C7orf78: variants seen among roughly 807,000 people sequenced by gnomAD.
The protein encoded by C7orf78 is putative uncharacterized protein C7orf78.
the C7orf78 span, chr7:12,531,134 A>T: frequency 2.5e-6 from 1 of 398,042 alleles, no homozygotes; most frequent in East Asian, 3.6e-5. Context: ...TACTTATATT[A>T]ACTCTTTAAC....
chr7:12,525,866 C>A, the C7orf78 span: 1 of 396,654 alleles, frequency 2.5e-6, no homozygotes, highest in Admixed American at 4.4e-5. Context: ...GAAAAGGACC[C>A]CTTTGGATTA....
the C7orf78 span, among the ~76,000 whole-genome samples, chr7:12,500,942 A>G: frequency 6.6e-6 from 1 of 150,930 alleles, no homozygotes; most frequent in Non-Finnish European, 1.5e-5. Flanking sequence ...AAATCAATAA[A>G]TGTAATCCAG....
the C7orf78 span, among the ~76,000 whole-genome samples, chr7:12,496,937 A>AC: frequency 6.8e-6 from 1 of 146,618 alleles, no homozygotes; most frequent in Non-Finnish European, 1.5e-5. Context: ...AAAATAATAC[A>AC]GAAAAAATTT....
chr7:12,528,098 C>T, the C7orf78 span, among the ~76,000 whole-genome samples: 1 of 146,310 alleles, frequency 6.8e-6, no homozygotes, highest in East Asian at 2.2e-4. Flanking sequence ...TGCCATCTAG[C>T]TGTGTAATTG....
chr7:12,503,240 C>T, the C7orf78 span, among the ~76,000 whole-genome samples: 39,296 of 111,322 alleles, frequency 0.35, 6,359 homozygotes, highest in African/African-American at 0.46. Flanking sequence ...TAATAATAAA[C>T]AAATAAATAA....
At chr7:12,494,431 C>A in the C7orf78 span, among the ~76,000 whole-genome samples, 1 of 152,052 alleles carries the variant, frequency 6.6e-6, no homozygotes, top group African/African-American at 2.4e-5. Flanking sequence ...AAGGAGGTGT[C>A]TAACCATAAT....
the C7orf78 span, among the ~76,000 whole-genome samples, chr7:12,529,612 G>T: frequency 1.3e-5 from 2 of 152,186 alleles, no homozygotes; most frequent in Non-Finnish European, 2.9e-5. Flanking sequence ...GGAGATAGAA[G>T]TTACAGGCAA....
At chr7:12,526,168 C>G in the C7orf78 span, among the ~76,000 whole-genome samples, 1 of 152,050 alleles carries the variant, frequency 6.6e-6, no homozygotes, top group Non-Finnish European at 1.5e-5. Flanking sequence ...AGGGAATAAA[C>G]TCTGGAGCCC....
chr7:12,517,323 C>T, the C7orf78 span, among the ~76,000 whole-genome samples: 6 of 152,136 alleles, frequency 3.9e-5, no homozygotes. Context: ...GAGGCCTCCC[C>T]AGCCATGAGG....
the C7orf78 span, among the ~76,000 whole-genome samples, chr7:12,513,698 A>G: frequency 1.3e-5 from 2 of 152,324 alleles, no homozygotes; most frequent in Non-Finnish European, 1.5e-5. Context: ...CCAAGTGCTG[A>G]TAAGAAGAAT....
the C7orf78 span, among the ~76,000 whole-genome samples, chr7:12,509,251 TA>T: frequency 0.16 from 24,256 of 152,226 alleles, 2,335 homozygotes; most frequent in South Asian, 0.24. Flanking sequence ...GACTAATGTT[TA>T]GGTGTGACAT....
the C7orf78 span, among the ~76,000 whole-genome samples, chr7:12,526,172 G>T: frequency 6.6e-6 from 1 of 152,050 alleles, no homozygotes; most frequent in East Asian, 1.9e-4. Flanking sequence ...AATAAACTCT[G>T]GAGCCCAGCT....
the C7orf78 span, among the ~76,000 whole-genome samples, chr7:12,513,805 C>G: frequency 1.3e-5 from 2 of 151,494 alleles, no homozygotes; most frequent in Admixed American, 6.6e-5. Flanking sequence ...TTGAGACCAT[C>G]CTGGCTTACA....
the C7orf78 span, chr7:12,525,903 A>G: frequency 1.3e-5 from 5 of 396,926 alleles, no homozygotes; most frequent in African/African-American, 2.1e-5. Flanking sequence ...ACTTAAGTAC[A>G]GGTAAGCTGT....
the C7orf78 span, chr7:12,538,439 CAG>C: frequency 3.5e-4 from 54 of 152,116 alleles, 2 homozygotes; most frequent in Admixed American, 3.0e-3. Context: ...ATGGAAGAAA[CAG>C]GGGCAAAAAG....
the C7orf78 span, among the ~76,000 whole-genome samples, chr7:12,533,537 G>C: frequency 7.4e-6 from 1 of 134,238 alleles, no homozygotes; most frequent in South Asian, 2.5e-4. Context: ...TTTTCTTTGA[G>C]ATGGAGTCTC....
chr7:12,530,983 A>C, the C7orf78 span: 1 of 398,382 alleles, frequency 2.5e-6, no homozygotes, highest in Non-Finnish European at 4.4e-6. Context: ...GTCTGCTTTT[A>C]CTAACTTCCT....
At chr7:12,509,193 G>C in the C7orf78 span, among the ~76,000 whole-genome samples, 1 of 152,168 alleles carries the variant, frequency 6.6e-6, no homozygotes, top group Non-Finnish European at 1.5e-5. Context: ...TCAATATGTA[G>C]GATATTTACC....
chr7:12,529,459 G>A, the C7orf78 span, among the ~76,000 whole-genome samples: 1 of 152,172 alleles, frequency 6.6e-6, no homozygotes, highest in East Asian at 1.9e-4. Flanking sequence ...CAGTGTTGAT[G>A]AAAGAAGCCA....
Sources: allele counts gnomAD v4.1 joint callset (sites outside exome capture counted in the v4.1 genomes callset), GRCh38; gene constraint gnomAD v4.1.1; transcripts MANE v1.5; gene names NCBI Gene and HGNC (gene_info 2026-07-23, HGNC 2026-07-21).